The following SNTB1 variants were observed in gnomAD, a reference collection of about 807,000 sequenced individuals.
SNTB1 encodes syntrophin beta 1, also known as beta-1-syntrophin.
Under a neutral mutation model 48.9 loss-of-function variants are expected in SNTB1, and 36 were observed. The ratio of observed to expected loss-of-function variants is 0.74; its 90% CI spans 0.56 to 0.97. The LOEUF is 0.97. SNTB1 is among the 50% of genes least tolerant of loss of function. The pLI, the probability that SNTB1 is intolerant of heterozygous loss-of-function variation, is 0.00. For missense variants in SNTB1, 786 were observed against 703.4 expected (o/e 1.12, Z -1.33); for synonymous variants, 299 against 294.6 (o/e 1.01, Z -0.15).
At chr8:120,552,432 C>T (rs1815495650) in intron 4 of SNTB1, among the ~76,000 whole-genome samples, 1 of 152,192 alleles carries the variant, frequency 6.6e-6, no homozygotes, top group African/African-American at 2.4e-5. Context: ...GATCTCAGCT[C>T]ACTGCAACCT....
At chr8:120,554,348 A>G (rs551731362) in intron 4 of SNTB1, among the ~76,000 whole-genome samples, 1 of 152,298 alleles carries the variant, frequency 6.6e-6, no homozygotes, top group African/African-American at 2.4e-5. Flanking sequence ...GAACTGGAAT[A>G]AGTGAGTTGG....
intron 1 of SNTB1, among the ~76,000 whole-genome samples, chr8:120,756,219 T>G (rs1409579496): frequency 1.3e-5 from 2 of 152,210 alleles, no homozygotes; most frequent in Admixed American, 6.5e-5. Context: ...CAACTGACAT[T>G]AAAGCATCTA....
Position 120,693,693 on chromosome 8 carries a change from T to C in SNTB1, c.787A>G (p.Arg263Gly). 1 of 1,613,566 alleles carries C rather than the reference T, an allele frequency of 6.2e-7. No homozygotes were observed. The highest frequency in any genetic ancestry group is 8.5e-7 in the Non-Finnish European group (1 of 1,179,584). ...RSMALADPEN[R>G]QLEIHSPDAK... ...GTGGAGAGTTTTGACCCTATTTACC[T>C]GTTCTCAGGGTCGGCCAAGGCCATA... Residue 263 changes from arginine (R) to glycine (G), a missense_variant and splice_region_variant, in exon 2 of 7, where the codon AGG (arginine) becomes GGG (glycine). Coordinates refer to ENST00000517992, the MANE Select transcript of SNTB1 (RefSeq NM_021021.4).
intron 2 of SNTB1, among the ~76,000 whole-genome samples, chr8:120,659,682 T>C (rs559988957): frequency 5.9e-5 from 9 of 152,376 alleles, no homozygotes; most frequent in African/African-American, 1.9e-4. Context: ...CTATGGCAGC[T>C]ATAGCCTTAT....
At chr8:120,596,502 T>G (rs60307797) in intron 3 of SNTB1, among the ~76,000 whole-genome samples, 30,590 of 152,234 alleles carry the variant, frequency 0.2, 3,178 homozygotes, top group Middle Eastern at 0.3. Context: ...AAGTCTGATC[T>G]GGCTGAAATC....
At chr8:120,752,433 A>T (rs891780591) in intron 1 of SNTB1, among the ~76,000 whole-genome samples, 2 of 152,278 alleles carry the variant, frequency 1.3e-5, no homozygotes, top group African/African-American at 4.8e-5. Flanking sequence ...CATCAATCTC[A>T]TTATTGAGTA....
chr8:120,735,170 A>G (rs1220411792), intron 1 of SNTB1, among the ~76,000 whole-genome samples: 1 of 152,216 alleles, frequency 6.6e-6, no homozygotes, highest in Non-Finnish European at 1.5e-5. Context: ...CAATGCCACA[A>G]AGTTTACACA....
intron 3 of SNTB1, among the ~76,000 whole-genome samples, chr8:120,592,638 T>C (rs1563826174): frequency 6.6e-6 from 1 of 152,150 alleles, no homozygotes; most frequent in African/African-American, 2.4e-5. Context: ...CAAGCAGAAG[T>C]AGACAAGCTT....
intron 1 of SNTB1, among the ~76,000 whole-genome samples, chr8:120,735,973 C>T (rs535739028): frequency 5.9e-5 from 9 of 152,064 alleles, no homozygotes; most frequent in Admixed American, 1.3e-4. Context: ...AAGAATTCCC[C>T]GAGACTGGGT....
At chr8:120,602,473 G>A (rs578233035) in intron 3 of SNTB1, among the ~76,000 whole-genome samples, 56 of 152,308 alleles carry the variant, frequency 3.7e-4, no homozygotes, top group African/African-American at 1.0e-3. Flanking sequence ...TGAAAAGACC[G>A]AGGTTCCCCC....
At chr8:120,598,381 CTT>C (rs1174763511) in intron 3 of SNTB1, among the ~76,000 whole-genome samples, 2 of 152,212 alleles carry the variant, frequency 1.3e-5, no homozygotes, top group African/African-American at 4.8e-5. Flanking sequence ...CGAGGCCAAA[CTT>C]TCTTCATCCT....
chr8:120,633,554 G>A (rs981339512), intron 2 of SNTB1, among the ~76,000 whole-genome samples: 4 of 152,090 alleles, frequency 2.6e-5, no homozygotes, highest in Admixed American at 2.6e-4. Context: ...GCAGTGAGCC[G>A]AGATCAAGCC....
intron 3 of SNTB1, among the ~76,000 whole-genome samples, chr8:120,582,003 C>T (rs1042148520): frequency 1.3e-5 from 2 of 152,130 alleles, no homozygotes; most frequent in Non-Finnish European, 2.9e-5. Flanking sequence ...CCATTGCACT[C>T]CAGCCTGGGC....
intron 1 of SNTB1, among the ~76,000 whole-genome samples, chr8:120,785,540 T>A (rs13256614): frequency 0.11 from 17,214 of 152,242 alleles, 1,389 homozygotes; most frequent in African/African-American, 0.22. Context: ...TGCAGCAGCC[T>A]GAGAACTGCC....
At chr8:120,774,509 T>G (rs2130110813) in intron 1 of SNTB1, among the ~76,000 whole-genome samples, 1 of 152,168 alleles carries the variant, frequency 6.6e-6, no homozygotes, top group South Asian at 2.1e-4. Flanking sequence ...AGGCAGTAAT[T>G]GGATTCGTTT....
intron 4 of SNTB1, among the ~76,000 whole-genome samples, chr8:120,555,253 A>G (rs1815547824): frequency 6.6e-6 from 1 of 152,182 alleles, no homozygotes; most frequent in Admixed American, 6.5e-5. Context: ...AGAAAGGGAA[A>G]CAGCTTCTTC....
At chr8:120,810,386 G>A (rs956831810) in intron 1 of SNTB1, among the ~76,000 whole-genome samples, 1 of 152,128 alleles carries the variant, frequency 6.6e-6, no homozygotes, top group African/African-American at 2.4e-5. Context: ...GCAAAACGGT[G>A]GTTCCTATTC....
chr8:120,581,531 G>A (rs11989164), intron 3 of SNTB1, among the ~76,000 whole-genome samples: 11 of 152,074 alleles, frequency 7.2e-5, no homozygotes, highest in African/African-American at 2.4e-4. Flanking sequence ...TTGAACCTGG[G>A]AGGCGGAGGT....
At chr8:120,583,689 T>C (rs1336419251) in intron 3 of SNTB1, among the ~76,000 whole-genome samples, 1 of 152,120 alleles carries the variant, frequency 6.6e-6, no homozygotes, top group Admixed American at 6.5e-5. Context: ...ATAATACCAA[T>C]TATATATAAT....
Sources: allele counts gnomAD v4.1 joint callset (sites outside exome capture counted in the v4.1 genomes callset), GRCh38; gene constraint gnomAD v4.1.1; transcripts MANE v1.5; gene names NCBI Gene and HGNC (gene_info 2026-07-23, HGNC 2026-07-21).